Variants in NBEA observed in about 807,000 individuals in gnomAD.
NBEA encodes lysosomal-trafficking regulator 2.
Under a neutral mutation model 343.4 loss-of-function variants are expected in NBEA, and 44 were observed. The observed-to-expected ratio is 0.13, with a 90% CI of 0.10 to 0.16. NBEA has a LOEUF of 0.16. Ranked by LOEUF, NBEA falls within the 10% of genes least tolerant of loss-of-function variation. The pLI is 1.00. For synonymous variants in NBEA, 1,175 were observed against 1,238.7 expected (o/e 0.95, Z 1.08); for missense variants, 2,555 against 3,631.3 (o/e 0.70, Z 7.62).
At chr13:35,245,916 T>A (rs2031116414) in intron 34 of NBEA, among the ~76,000 whole-genome samples, 1 of 152,220 alleles carries the variant, frequency 6.6e-6, no homozygotes, top group Non-Finnish European at 1.5e-5. Context: ...TCCTCAGGAA[T>A]GCCGGTCATT....
intron 36 of NBEA, among the ~76,000 whole-genome samples, chr13:35,337,739 A>C (rs942704085): frequency 2.0e-5 from 3 of 152,110 alleles, no homozygotes; most frequent in Non-Finnish European, 2.9e-5. Context: ...AACAATTCTC[A>C]GTAAGTTTAA....
intron 41 of NBEA, among the ~76,000 whole-genome samples, chr13:35,504,856 C>G (rs1243255780): frequency 6.6e-6 from 1 of 152,108 alleles, no homozygotes; most frequent in Non-Finnish European, 1.5e-5. Context: ...AAACAGTCCT[C>G]CCCGCTTGGC....
chr13:35,266,840 G>A (rs760909828), intron 34 of NBEA, among the ~76,000 whole-genome samples: 41 of 151,854 alleles, frequency 2.7e-4, no homozygotes, highest in Admixed American at 4.6e-4. Flanking sequence ...TGCTGACCAC[G>A]TGTGCAGTTG....
intron 12 of NBEA, among the ~76,000 whole-genome samples, 185 bp from the exon 13 acceptor site, chr13:35,110,625 A>G (rs2066155038): frequency 6.6e-6 from 1 of 152,080 alleles, no homozygotes; most frequent in Non-Finnish European, 1.5e-5. Flanking sequence ...AGAATATGTT[A>G]ATTGCAGATT....
intron 36 of NBEA, among the ~76,000 whole-genome samples, chr13:35,344,304 AG>A (rs1278731442): frequency 6.6e-6 from 1 of 152,082 alleles, no homozygotes; most frequent in Non-Finnish European, 1.5e-5. Flanking sequence ...TTATTACTTG[AG>A]AGAAAAGCCT....
intron 41 of NBEA, among the ~76,000 whole-genome samples, chr13:35,492,726 T>C (rs575410100): frequency 1.3e-5 from 2 of 152,066 alleles, no homozygotes; most frequent in South Asian, 4.1e-4. Context: ...TTGTGGAAGA[T>C]AAATTTGTAG....
chr13:35,442,835 C>T (rs2045811053), intron 39 of NBEA, among the ~76,000 whole-genome samples: 1 of 152,050 alleles, frequency 6.6e-6, no homozygotes, highest in Non-Finnish European at 1.5e-5. Flanking sequence ...AAGTGCATTC[C>T]ATTTCCACCT....
At chr13:35,028,448 A>G (rs2062088559) in intron 1 of NBEA, among the ~76,000 whole-genome samples, 1 of 151,848 alleles carries the variant, frequency 6.6e-6, no homozygotes, top group African/African-American at 2.4e-5. Flanking sequence ...CTGTTTCCAC[A>G]TGTTCCCTGA....
At chr13:35,530,079 T>C (rs1566273779) in intron 41 of NBEA, among the ~76,000 whole-genome samples, 1 of 152,224 alleles carries the variant, frequency 6.6e-6, no homozygotes, top group Non-Finnish European at 1.5e-5. Context: ...CAAAGTAAGC[T>C]TTGTATCTGT....
intron 36 of NBEA, among the ~76,000 whole-genome samples, chr13:35,315,861 G>A (rs892365039): frequency 2.0e-5 from 3 of 151,964 alleles, no homozygotes; most frequent in Non-Finnish European, 4.4e-5. Context: ...TAACCAACAA[G>A]CATTGGTTTG....
At chr13:35,438,780 C>T (rs2045580038) in intron 39 of NBEA, among the ~76,000 whole-genome samples, 1 of 152,176 alleles carries the variant, frequency 6.6e-6, no homozygotes. Context: ...GCCTTGTCTT[C>T]ACCCTATGGT....
intron 55 of NBEA, among the ~76,000 whole-genome samples, chr13:35,660,456 C>G (rs2085036134): frequency 6.6e-6 from 1 of 152,134 alleles, no homozygotes; most frequent in Non-Finnish European, 1.5e-5. Context: ...TGTTATTATG[C>G]TTTTCTATTC....
chr13:35,160,242 C>CTG (rs1427120005), intron 22 of NBEA, among the ~76,000 whole-genome samples: 1 of 152,112 alleles, frequency 6.6e-6, no homozygotes, highest in Non-Finnish European at 1.5e-5. Context: ...CCACATTCTT[C>CTG]TGTGTAACTT....
chr13:35,083,697 C>G (rs537394067), intron 10 of NBEA, among the ~76,000 whole-genome samples: 69 of 152,218 alleles, frequency 4.5e-4, no homozygotes, highest in African/African-American at 1.5e-3. Flanking sequence ...GAAACTGCAT[C>G]AACTAATGGG....
intron 41 of NBEA, among the ~76,000 whole-genome samples, chr13:35,500,644 T>A (rs1422216926): frequency 6.6e-6 from 1 of 151,870 alleles, no homozygotes; most frequent in Non-Finnish European, 1.5e-5. Flanking sequence ...TCTTGAGCAT[T>A]CATTATTTTT....
Position 35,297,405 on chromosome 13 carries a change from A to C in NBEA, c.5838+6955A>C, listed in dbSNP as rs184080699. Among the ~76,000 whole-genome samples, 12 of 152,154 alleles carry C rather than the reference A, an allele frequency of 7.9e-5. 1 individual carries two copies. The East Asian group carries it at 9.7e-4, about 12-fold the overall frequency. Reference sequence around the variant, plus strand: ...AGGTATGATTTTCTTTATCTACCACATTTCAGGTTCCATTAGAATAAGCTG... The same window carrying C: ...AGGTATGATTTTCTTTATCTACCACCTTTCAGGTTCCATTAGAATAAGCTG... On this transcript the variant is annotated intron_variant, in intron 35 of 58. Transcript: ENST00000379939.
intron 4 of NBEA, among the ~76,000 whole-genome samples, chr13:35,047,202 T>A (rs978902455): frequency 2.0e-5 from 2 of 98,820 alleles, no homozygotes; most frequent in Non-Finnish European, 4.1e-5. Flanking sequence ...CATTTGAAAT[T>A]GTGTGTGTGT....
rs1423053773 is a variant in NBEA, at chr13:35,285,722, T to G, written c.5777-4667T>G. On this transcript the variant is annotated intron_variant, in intron 34 of 58. Transcript: ENST00000379939. ...GTAACTAAACTCTTTAGTTACTAGC[T>G]TCTTCCTATACTGCTGACAGAAAGT... is the stretch of plus-strand genomic sequence containing the variant. Among the ~76,000 whole-genome samples, 11 of 152,294 alleles carry G rather than the reference T, an allele frequency of 7.2e-5. No homozygotes were observed. In the South Asian group the frequency reaches 2.3e-3, roughly 32 times the overall value.
intron 1 of NBEA, among the ~76,000 whole-genome samples, chr13:34,965,702 T>A (rs1223429789): frequency 6.6e-6 from 1 of 151,974 alleles, no homozygotes; most frequent in Non-Finnish European, 1.5e-5. Context: ...GGTTGGCAAA[T>A]GCACTTGGTT....
Sources: gnomAD v4.1 joint callset for allele counts (sites outside exome capture counted in the v4.1 genomes callset) on GRCh38, gnomAD v4.1.1 for gene constraint, MANE v1.5 for transcripts, NCBI Gene and HGNC (gene_info 2026-07-23, HGNC 2026-07-21) for gene names.